JARID2: variants seen among roughly 807,000 people sequenced by gnomAD.
JARID2 encodes the protein jumonji and AT-rich interaction domain containing 2.
A neutral mutation model predicts 125.6 loss-of-function variants in JARID2; 21 were observed. The observed-to-expected ratio is 0.17, with a 90% confidence interval of 0.12 to 0.24. The LOEUF (loss-of-function observed/expected upper bound fraction) is 0.24, where lower values mean the gene tolerates loss of function less well. JARID2 is among the 10% of genes least tolerant of loss of function. The pLI, the probability that JARID2 is intolerant of heterozygous loss-of-function variation, is 1.00. For missense variants in JARID2, 1,303 were observed against 1,639.6 expected, an observed-to-expected ratio of 0.79 and a Z score of 3.55; for synonymous variants, 736 against 661.6, an observed-to-expected ratio of 1.11 and a Z score of -1.73.
At chr6:15,357,583 A>G (rs1029134494) in intron 1 of JARID2, among the ~76,000 whole-genome samples, 14 of 152,204 alleles carry the variant, frequency 9.2e-5, no homozygotes, top group African/African-American at 3.1e-4. Context: ...CTCTAAGCAA[A>G]TGTTATTTAT....
chr6:15,469,290 GTCTCTCTGTC>G (rs1475191011), intron 5 of JARID2, among the ~76,000 whole-genome samples: 1 of 76,782 alleles, frequency 1.3e-5, no homozygotes, highest in Non-Finnish European at 2.6e-5. Context: ...CTCTGTCTCT[GTCTCTCTGTC>G]TCTGTCTCTC....
intron 1 of JARID2, among the ~76,000 whole-genome samples, chr6:15,315,463 C>G (rs1762147644): frequency 6.6e-6 from 1 of 152,208 alleles, no homozygotes; most frequent in Non-Finnish European, 1.5e-5. Context: ...TAGCTTTGAT[C>G]TTTACTGTGG....
intron 16 of JARID2, among the ~76,000 whole-genome samples, chr6:15,516,450 C>T (rs573840333): frequency 2.0e-5 from 3 of 152,228 alleles, no homozygotes; most frequent in Non-Finnish European, 4.4e-5. Context: ...TCTGTCCCAG[C>T]ACTCTCCTGT....
At chr6:15,400,797 C>A in intron 2 of JARID2, 1 of 985,294 alleles carries the variant, frequency 1.0e-6, no homozygotes, top group Non-Finnish European at 1.2e-6. Flanking sequence ...TCTGGCCGTC[C>A]TATTGCCGCG....
At chr6:15,469,217 T>A (rs1768898571) in intron 5 of JARID2, among the ~76,000 whole-genome samples, 1 of 151,412 alleles carries the variant, frequency 6.6e-6, no homozygotes, top group South Asian at 2.1e-4. Context: ...AAGAAACTCA[T>A]CTTATGTGGA....
At chr6:15,323,833 A>G (rs1026182118) in intron 1 of JARID2, among the ~76,000 whole-genome samples, 2 of 151,868 alleles carry the variant, frequency 1.3e-5, no homozygotes, top group Non-Finnish European at 1.5e-5. Flanking sequence ...CAGAAGATGC[A>G]GTGAGCTGAT....
At chr6:15,300,722 T>TGTGTGTGTGTGAGAGA (rs1246745065) in intron 1 of JARID2, among the ~76,000 whole-genome samples, 1 of 111,118 alleles carries the variant, frequency 9.0e-6, no homozygotes, top group South Asian at 3.1e-4. Flanking sequence ...TGTGTGTGTG[T>TGTGTGTGTGTGAGAGA]GAGAGAGAGA....
At chr6:15,398,032 C>G (rs1488855186) in intron 2 of JARID2, among the ~76,000 whole-genome samples, 1 of 152,096 alleles carries the variant, frequency 6.6e-6, no homozygotes. Flanking sequence ...ATCTTAGTAA[C>G]TTGATGTTGA....
rs568392482 is a variant in JARID2 at position 15,459,400 on chromosome 6, ATAT to A, written c.493+7227_493+7229del. 1.9e-3 allele frequency among the ~76,000 whole-genome samples: 292 copies of A among 152,340 alleles called. 1 individual carries two copies. Among genetic ancestry groups the A allele is most frequent in the African/African-American group, 6.4e-3 (266 of 41,584 alleles). On this transcript the variant is annotated intron_variant, in intron 4 of 17. Coordinates refer to ENST00000341776, the MANE Select transcript of JARID2 (RefSeq NM_004973.4). ...AAATGCTGTGTAAATTTGTTAGATAATATTGTTTAGAGAATAATTACAAGGAAA... is the reference window on the plus strand; with the variant it reads ...AAATGCTGTGTAAATTTGTTAGATAATGTTTAGAGAATAATTACAAGGAAA...
At chr6:15,426,742 C>A (rs911420246) in intron 3 of JARID2, among the ~76,000 whole-genome samples, 1 of 152,162 alleles carries the variant, frequency 6.6e-6, no homozygotes, top group Non-Finnish European at 1.5e-5. Flanking sequence ...GTTTTTCCAA[C>A]CCCCAGAGGA....
chr6:15,401,092 A>G, intron 2 of JARID2: 1 of 1,288,588 alleles, frequency 7.8e-7, no homozygotes, highest in Non-Finnish European at 1.0e-6. Context: ...TTGTTGGAGA[A>G]ATAGGCCTTT....
At chr6:15,516,513 A>G (rs1422339766) in intron 16 of JARID2, among the ~76,000 whole-genome samples, 2 of 152,210 alleles carry the variant, frequency 1.3e-5, no homozygotes, top group East Asian at 3.9e-4. Context: ...CTTTGTGGAC[A>G]GCCCGCCCAA....
chr6:15,428,737 C>G (rs974489482), intron 3 of JARID2, among the ~76,000 whole-genome samples: 1 of 152,000 alleles, frequency 6.6e-6, no homozygotes, highest in Non-Finnish European at 1.5e-5. Flanking sequence ...GAAACCTTGT[C>G]TGTACTTAAA....
chr6:15,339,478 C>T (rs1177718058), intron 1 of JARID2, among the ~76,000 whole-genome samples: 2 of 151,770 alleles, frequency 1.3e-5, no homozygotes, highest in Admixed American at 6.6e-5. Flanking sequence ...TCCCAGGGTG[C>T]ACCTCTTAAC....
At chr6:15,347,314 A>G (rs1046540909) in intron 1 of JARID2, among the ~76,000 whole-genome samples, 1 of 152,196 alleles carries the variant, frequency 6.6e-6, no homozygotes, top group African/African-American at 2.4e-5. Flanking sequence ...GATGAAATGC[A>G]GGACTTAACG....
At chr6:15,398,382 C>G (rs1765294901) in intron 2 of JARID2, among the ~76,000 whole-genome samples, 1 of 152,228 alleles carries the variant, frequency 6.6e-6, no homozygotes, top group Non-Finnish European at 1.5e-5. Flanking sequence ...TTTCCGCCCT[C>G]TGCTCTTTCT....
chr6:15,299,519 A>G (rs1761529376), intron 1 of JARID2, among the ~76,000 whole-genome samples: 4 of 152,130 alleles, frequency 2.6e-5, no homozygotes, highest in Admixed American at 2.0e-4. Context: ...GTAGGAAGGA[A>G]TTTATAGTTT....
At chr6:15,423,333 A>AG (rs1766584709) in intron 3 of JARID2, among the ~76,000 whole-genome samples, 1 of 152,072 alleles carries the variant, frequency 6.6e-6, no homozygotes, top group South Asian at 2.1e-4. Context: ...AAGAAAGCTG[A>AG]GGTCCAGCTC....
intron 3 of JARID2, among the ~76,000 whole-genome samples, chr6:15,416,185 A>T (rs535048737): frequency 6.9e-6 from 1 of 145,740 alleles, no homozygotes; most frequent in Non-Finnish European, 1.5e-5. Context: ...CCGGGCAGAG[A>T]CGCTCCTCAC....
Sources: allele counts gnomAD v4.1 joint callset (sites outside exome capture counted in the v4.1 genomes callset), GRCh38; gene constraint gnomAD v4.1.1; transcripts MANE v1.5; gene names NCBI Gene and HGNC (gene_info 2026-07-23, HGNC 2026-07-21).